The following SMC4 variants were observed in gnomAD, a reference collection of about 807,000 sequenced individuals.
SMC4 encodes structural maintenance of chromosomes protein 4.
SMC4 carries 87 observed loss-of-function variants against 145.6 expected under a neutral mutation model. That is an observed-to-expected ratio of 0.60 (90% confidence interval 0.50 to 0.71). The LOEUF is 0.71. Among genes scored for constraint, SMC4 ranks in the 30% least tolerant of loss-of-function variants. SMC4 has a pLI of 0.00. For missense variants in SMC4, 1,447 were observed against 1,537.1 expected (o/e 0.94, Z 0.98); for synonymous variants, 558 against 500.7 (o/e 1.11, Z -1.53).
Position 160,433,651 on chromosome 3 carries a change from C to CTT in SMC4, c.3715-4_3715-3dup. 1 of 1,515,724 alleles carries CTT rather than the reference C, an allele frequency of 6.6e-7. No individual in the cohort carries two copies. Among genetic ancestry groups the CTT allele is most frequent in the Non-Finnish European group, 8.9e-7 (1 of 1,122,914 alleles). The allele number at this position is 1,515,724 out of a possible 1,614,324, so 93.9% of individuals were successfully genotyped here. ...TAATGTTTGACTTTTCTTTGTTTCT[C>CTT]TTTAGGAACAAACAAAAAATGCACA... On this transcript the variant is annotated splice_polypyrimidine_tract_variant and splice_region_variant and intron_variant, in intron 23 of 23. Coordinates refer to ENST00000357388, the MANE Select transcript of SMC4 (RefSeq NM_001002800.3).
chr3:160,427,601 TAGG>T (rs1717927539), intron 17 of SMC4, among the ~76,000 whole-genome samples: 1 of 152,238 alleles, frequency 6.6e-6, no homozygotes, highest in Non-Finnish European at 1.5e-5. Flanking sequence ...TTGACTTTGT[TAGG>T]AGCTCTATAT....
chr3:160,417,979 C>T (rs748515073), intron 11 of SMC4, 23 bp downstream of exon 11: 3 of 1,558,712 alleles, frequency 1.9e-6, no homozygotes, highest in Non-Finnish European at 2.6e-6. Flanking sequence ...TTCTCTGTTG[C>T]ATCAGAACAT....
chr3:160,407,067 T>G (rs1349519941), intron 5 of SMC4, among the ~76,000 whole-genome samples: 1 of 152,174 alleles, frequency 6.6e-6, no homozygotes, highest in Middle Eastern at 3.2e-3. Context: ...ACTTATAAAT[T>G]AGGGGTGCTT....
At chr3:160,400,767 G>A in intron 1 of SMC4, 55 bp from the exon 2 acceptor site, 1 of 1,426,880 alleles carries the variant, frequency 7.0e-7, no homozygotes, top group Non-Finnish European at 9.1e-7. Context: ...GGGTGGGGCG[G>A]GCGCGGTGTA....
Position 160,420,730 on chromosome 3 carries a change from T to G in SMC4, c.1858-10T>G. On this transcript the variant is annotated splice_polypyrimidine_tract_variant and intron_variant, in intron 12 of 23. Transcript: ENST00000357388. ...CCTAACTCTTTTTTCACCCCACTCT[T>G]CATTATTAGGGGGACTTAGGAGCCA... The G allele has an allele frequency of 6.2e-7, 1 of 1,611,500 alleles. No individual in the cohort carries two copies. The highest frequency in any genetic ancestry group is 8.5e-7 in the Non-Finnish European group (1 of 1,179,306).
chr3:160,431,945 T>A, intron 21 of SMC4, 120 bp downstream of exon 21: 2 of 1,039,728 alleles, frequency 1.9e-6, no homozygotes, highest in Non-Finnish European at 2.8e-6. Flanking sequence ...CTCACGCCTG[T>A]AATCCCAGCA....
rs760971978 is a variant in SMC4 at position 160,423,518 on chromosome 3, C to A, written c.2113C>A (p.Arg705Ser). The change falls in exon 14 of 24, where the codon CGC (arginine) becomes AGC (serine). Residue 705 changes from arginine to serine, a missense_variant. Physicochemically the swap from Arg to Ser is moderately radical, Grantham distance 110. Coordinates refer to ENST00000357388, the MANE Select transcript of SMC4 (RefSeq NM_001002800.3). ...AGTAAAAGTAAAAGATGAGAAAATT[C>A]GCCAAGCTTTTTATTTTGCTTTACG... ...DLVKVKDEKI[R>S]QAFYFALRDT... is the part of the protein sequence containing the mutation. The A allele has an allele frequency of 3.7e-6, 6 of 1,613,562 alleles. No individual in the cohort carries two copies. In the South Asian group the frequency reaches 6.6e-5, roughly 18 times the overall value.
chr3:160,411,811 T>A (rs1175755147), intron 5 of SMC4, 109 bp from the exon 6 acceptor site: 1 of 783,804 alleles, frequency 1.3e-6, no homozygotes, highest in Non-Finnish European at 2.0e-6. Flanking sequence ...TGTACATTAT[T>A]TAGATGTTTA....
chr3:160,423,069 C>G (rs1717354685), intron 13 of SMC4, among the ~76,000 whole-genome samples: 1 of 152,064 alleles, frequency 6.6e-6, no homozygotes, highest in South Asian at 2.1e-4. Flanking sequence ...TCTGAGTCCT[C>G]TAATTTTGTT....
intron 5 of SMC4, 103 bp downstream of exon 5, chr3:160,404,607 T>A: frequency 1.0e-6 from 1 of 985,530 alleles, no homozygotes; most frequent in Non-Finnish European, 1.6e-6. Flanking sequence ...TAAAGTACTG[T>A]AGCAGCACAT....
At chr3:160,413,640 A>C (rs751086074) in intron 8 of SMC4, 27 bp downstream of exon 8, 7 of 1,187,994 alleles carry the variant, frequency 5.9e-6, no homozygotes, top group Non-Finnish European at 8.3e-6. Flanking sequence ...AAGTACTAAA[A>C]GTATTTAGAT....
chr3:160,428,237 C>T (rs748617550), intron 17 of SMC4, among the ~76,000 whole-genome samples: 4 of 152,202 alleles, frequency 2.6e-5, no homozygotes, highest in Non-Finnish European at 4.4e-5. Flanking sequence ...TATGTCTAAA[C>T]CCTAGCCACA....
At chr3:160,406,415 C>T (rs1398590084) in intron 5 of SMC4, among the ~76,000 whole-genome samples, 2 of 151,728 alleles carry the variant, frequency 1.3e-5, no homozygotes, top group South Asian at 2.1e-4. Context: ...TTTTTTAAGT[C>T]GCTTATGAAA....
Position 160,433,874 on chromosome 3 carries a change from A to T in SMC4, c.*65A>T. On this transcript the variant is annotated 3_prime_UTR_variant, in exon 24 of 24. Coordinates refer to ENST00000357388, the MANE Select transcript of SMC4 (RefSeq NM_001002800.3). ...ACTGATTTTTTTCTATTTGTAAAGG[A>T]TTATGAGTTGTATAAAATACATACT... The T allele has an allele frequency of 7.9e-7, 1 of 1,268,882 alleles. No individual in the cohort carries two copies. The highest frequency in any genetic ancestry group is 2.3e-5 in the Admixed American group (1 of 44,140). 78.6% of individuals were successfully genotyped at this position (1,268,882 alleles called of 1,614,324 possible). A position where few individuals can be genotyped will look rare whatever the true frequency, so the allele number is the denominator to read the frequency against.
intron 2 of SMC4, 56 bp from the exon 3 acceptor site, chr3:160,401,859 A>ATGT: frequency 7.1e-7 from 1 of 1,410,888 alleles, no homozygotes. Context: ...AATTGCACTA[A>ATGT]TGTAGGCTTT....
intron 15 of SMC4, among the ~76,000 whole-genome samples, 190 bp downstream of exon 15, chr3:160,424,030 CAG>C (rs1398147860): frequency 6.6e-6 from 1 of 152,062 alleles, no homozygotes. Context: ...AAATATTAAT[CAG>C]AAACTATATG....
In SMC4 at chr3:160,432,950, A is replaced by G. The variant is rs545394324; in HGVS notation, c.3531-76A>G. 3.3e-5 allele frequency: 32 copies of G among 983,686 alleles called. No individual in the cohort carries two copies. In the African/African-American group the frequency reaches 4.4e-4, roughly 13 times the overall value. 60.9% of individuals were successfully genotyped at this position (983,686 alleles called of 1,614,324 possible). The stretch of plus-strand genomic sequence containing the variant: ...TTCCTAAAAAAGATAGTAGAACTCA[A>G]TTATGGAAAGCAAATCACAAAGTCT... On this transcript the variant is annotated intron_variant, in intron 22 of 23. Transcript: ENST00000357388.
Position 160,430,726 on chromosome 3 carries a change from A to G in SMC4, c.2923A>G (p.Asn975Asp), listed in dbSNP as rs1380859815. 2 of 1,611,620 alleles carry G rather than the reference A, an allele frequency of 1.2e-6. No homozygotes were observed. The highest frequency in any genetic ancestry group is 4.5e-5 in the East Asian group (2 of 44,828). The change falls in exon 19 of 24, where the codon AAT becomes GAT. Residue 975 changes from asparagine to aspartate, a missense_variant. By Grantham distance (23) the Asn-to-Asp change is conservative (BLOSUM62 1). Transcript: ENST00000357388. ...LEDKAAEVVK[N>D]TNAAEESLPE... ...GGACAAAGCAGCAGAGGTCGTAAAG[A>G]ATACAAATGCTGCAGAGGTATGAGT...
At chr3:160,417,689 T>C in intron 10 of SMC4, 34 bp from the exon 11 acceptor site, 1 of 1,492,594 alleles carries the variant, frequency 6.7e-7, no homozygotes, top group South Asian at 1.1e-5. Flanking sequence ...AAAGTAAATA[T>C]CTGTCCAGAT....
Sources: allele counts gnomAD v4.1 joint callset (sites outside exome capture counted in the v4.1 genomes callset), GRCh38; gene constraint gnomAD v4.1.1; transcripts MANE v1.5; gene names NCBI Gene and HGNC (gene_info 2026-07-23, HGNC 2026-07-21).